CSF2RB: variants seen among roughly 807,000 people sequenced by gnomAD.
CSF2RB encodes the protein colony stimulating factor 2 receptor subunit beta, also known as cytokine receptor common subunit beta.
Under a neutral mutation model 67.2 loss-of-function variants are expected in CSF2RB, and 22 were observed. That is an observed-to-expected ratio of 0.33 (90% CI 0.23 to 0.47). CSF2RB has a LOEUF of 0.47. Ranked by LOEUF, CSF2RB falls within the 20% of genes least tolerant of loss-of-function variation. CSF2RB has a pLI of 1.00. For missense variants in CSF2RB, 1,113 were observed against 1,174.5 expected, an observed-to-expected ratio of 0.95 and a Z score of 0.76; for synonymous variants, 507 against 482.9, an observed-to-expected ratio of 1.05 and a Z score of -0.65.
chr22:36,922,323 C>G (rs925560444), intron 2 of CSF2RB, 40 bp downstream of exon 2: 2 of 1,538,580 alleles, frequency 1.3e-6, no homozygotes, highest in Non-Finnish European at 1.8e-6. Flanking sequence ...TGTCCCTGTC[C>G]TCACTGCTGC....
intron 10 of CSF2RB, among the ~76,000 whole-genome samples, chr22:36,934,882 G>T (rs1039712876): frequency 2.6e-5 from 4 of 152,172 alleles, no homozygotes; most frequent in African/African-American, 4.8e-5. Context: ...AGTCCTGGAG[G>T]AACCTGGCCT....
In CSF2RB at chr22:36,939,562, T is replaced by C. The variant is rs567752456; in HGVS notation, c.*1060T>C. On this transcript the variant is annotated 3_prime_UTR_variant, in exon 14 of 14. Coordinates refer to ENST00000403662, the MANE Select transcript of CSF2RB (RefSeq NM_000395.3). The stretch of plus-strand genomic sequence containing the variant: ...ATACAGGAAAAATAATGGCATTAAA[T>C]TGCTTTAATTTGCATTATTTTAGTT... 3.1e-4 allele frequency: 84 copies of C among 274,666 alleles called. No homozygotes were observed. The highest frequency in any genetic ancestry group is 1.7e-3 in the African/African-American group (81 of 46,914). 17.0% of individuals were successfully genotyped at this position (274,666 alleles called of 1,614,324 possible). A position where few individuals can be genotyped will look rare whatever the true frequency, so the allele number is the denominator to read the frequency against.
chr22:36,917,828 CA>C (rs1438988103), intron 1 of CSF2RB, among the ~76,000 whole-genome samples: 1 of 151,960 alleles, frequency 6.6e-6, no homozygotes, highest in African/African-American at 2.4e-5. Flanking sequence ...GAGGCTAAGT[CA>C]CAAGAGTCGC....
intron 1 of CSF2RB, among the ~76,000 whole-genome samples, chr22:36,915,472 G>A (rs1940698525): frequency 6.7e-6 from 1 of 149,152 alleles, no homozygotes; most frequent in Non-Finnish European, 1.5e-5. Context: ...ATTGTATTTT[G>A]GAATATTTCC....
chr22:36,937,771 G>C lies in CSF2RB; in HGVS notation c.1963G>C (p.Glu655Gln). ...GGGACCAGGACAGGCCGTGGAAGTG[G>C]AGAGAAGGCCGAGCCAGGGGGCTGC... is the stretch of plus-strand genomic sequence containing the variant. ...AMGPGQAVEV[E>Q]RRPSQGAAGS... is the part of the protein sequence containing the mutation. The change falls in exon 14 of 14, where the codon GAG becomes CAG. Residue 655 changes from glutamate to glutamine, a missense_variant. Coordinates refer to ENST00000403662, the MANE Select transcript of CSF2RB (RefSeq NM_000395.3). The surrounding 1 kb of genome is among the most constrained non-coding windows in gnomAD (Gnocchi z 4.6). The C allele has an allele frequency of 3.2e-6, 5 of 1,578,480 alleles. No homozygotes were observed. Among genetic ancestry groups the C allele is most frequent in the Non-Finnish European group, 4.3e-6 (5 of 1,162,024 alleles).
At chr22:36,930,319 T>C in intron 6 of CSF2RB, 56 bp from the exon 7 acceptor site, 1 of 1,606,050 alleles carries the variant, frequency 6.2e-7, no homozygotes, top group Non-Finnish European at 8.5e-7. Context: ...GGGCACCCAC[T>C]GAGAGCTATG....
Position 36,937,347 on chromosome 22 carries a change from C to T in CSF2RB, c.1569-30C>T, listed in dbSNP as rs1281332416. 6.2e-7 allele frequency: 1 copy of T among 1,610,366 alleles called. No individual in the cohort carries two copies. The highest frequency in any genetic ancestry group is 2.2e-5 in the East Asian group (1 of 44,874). ...CCCGGATCATCTGCCCAGGGTGGTC[C>T]CAACTCTTCTGCCCATTTTCTTCCC... On this transcript the variant is annotated intron_variant, in intron 13 of 13. Coordinates refer to ENST00000403662, the MANE Select transcript of CSF2RB (RefSeq NM_000395.3). The surrounding 1 kb of genome is among the most constrained non-coding windows in gnomAD (Gnocchi z 4.6).
intron 4 of CSF2RB, among the ~76,000 whole-genome samples, 197 bp downstream of exon 4, chr22:36,926,374 C>T (rs1284788163): frequency 6.6e-6 from 1 of 152,212 alleles, no homozygotes; most frequent in East Asian, 1.9e-4. Context: ...CTCCTGTGCC[C>T]CTGGCTGCTA....
At position 36,937,974 on chromosome 22, in the gene CSF2RB, C is replaced by T; in HGVS notation, c.2166C>T (p.Asn722=). The stretch of plus-strand genomic sequence containing the variant: ...CTGCAGACCTGGTATTCACCCCAAA[C>T]TCAGGGGCCTCGTCTGTCTCCCTAG... ...VSSADLVFTP[N]SGASSVSLVP... is the part of the protein sequence containing the mutation. The change falls in exon 14 of 14, where the codon AAC becomes AAT. Residue 722 remains asparagine (N), a synonymous_variant. Transcript: ENST00000403662. This position sits in a 1 kb window ranked among gnomAD's most constrained non-coding sequence, Gnocchi z 4.6. The T allele has an allele frequency of 6.2e-7, 1 of 1,614,142 alleles. No homozygotes were observed. Among genetic ancestry groups the T allele is most frequent in the South Asian group, 1.1e-5 (1 of 91,082 alleles).
intron 1 of CSF2RB, among the ~76,000 whole-genome samples, chr22:36,920,117 T>G (rs1404828177): frequency 6.6e-6 from 1 of 152,254 alleles, no homozygotes; most frequent in Non-Finnish European, 1.5e-5. Flanking sequence ...TATACATAGA[T>G]GTATTCATAT....
In CSF2RB at chr22:36,937,546, C is replaced by T; in HGVS notation, c.1738C>T (p.Pro580Ser). The T allele has an allele frequency of 6.2e-7, 1 of 1,613,630 alleles. No homozygotes were observed. The highest frequency in any genetic ancestry group is 8.5e-7 in the Non-Finnish European group (1 of 1,179,774). The change falls in exon 14 of 14, where the codon CCT becomes TCT. Residue 580 changes from proline to serine, a missense_variant. Physicochemically the swap from Pro to Ser is moderately conservative, Grantham distance 74. This residue lies in a region of CSF2RB where 554 missense variants were observed against 517.9 expected (regional missense o/e 1.07). Coordinates refer to ENST00000403662, the MANE Select transcript of CSF2RB (RefSeq NM_000395.3). The surrounding 1 kb of genome is among the most constrained non-coding windows in gnomAD (Gnocchi z 4.6). ...QPGPPAASHT[P>S]EKQASSFDFN... ...AGGCCCGCCTGCCGCCTCCCACACA[C>T]CTGAGAAACAGGCTTCCAGCTTTGA...
chr22:36,933,846 G>A lies in CSF2RB; in HGVS notation c.1167G>A (p.Glu389=). The change falls in exon 10 of 14, where the codon GAG becomes GAA. Residue 389 remains glutamate, a synonymous_variant. Transcript: ENST00000403662. ...DTATWKDSKT[E]TLQNAHSMAL... ...CCAACCCACAGGACAGCAAGACCGA[G>A]ACCCTCCAGAACGCCCACAGCATGG... is the stretch of plus-strand genomic sequence containing the variant. 6.2e-7 allele frequency: 1 copy of A among 1,608,920 alleles called. No homozygotes were observed. The highest frequency in any genetic ancestry group is 8.5e-7 in the Non-Finnish European group (1 of 1,179,646).
intron 12 of CSF2RB, 84 bp downstream of exon 12, chr22:36,935,771 C>A: frequency 6.8e-7 from 1 of 1,462,024 alleles, no homozygotes; most frequent in South Asian, 1.2e-5. Flanking sequence ...CCTTCCCTTC[C>A]TGTGGGCTTT....
At chr22:36,930,863 T>C in intron 8 of CSF2RB, 33 bp downstream of exon 8, 2 of 1,613,006 alleles carry the variant, frequency 1.2e-6, no homozygotes, top group Non-Finnish European at 1.7e-6. Flanking sequence ...GTGGGGATGG[T>C]CTGGGACCAG....
Position 36,938,646 on chromosome 22 carries a change from G to A in CSF2RB, c.*144G>A. ...TGGGAAAGGAGATAGCCTTGCTCCG[G>A]CCCCCTTGACCTTCAGCAAATCACT... On this transcript the variant is annotated 3_prime_UTR_variant, in exon 14 of 14. Coordinates refer to ENST00000403662, the MANE Select transcript of CSF2RB (RefSeq NM_000395.3). 1 of 847,034 alleles carries A rather than the reference G, an allele frequency of 1.2e-6. No individual in the cohort carries two copies. 52.5% of individuals were successfully genotyped at this position (847,034 alleles called of 1,614,324 possible). A position where few individuals can be genotyped will look rare whatever the true frequency, so the allele number is the denominator to read the frequency against.
chr22:36,931,506 A>G (rs116039864), intron 8 of CSF2RB, among the ~76,000 whole-genome samples: 234 of 152,380 alleles, frequency 1.5e-3, no homozygotes, highest in African/African-American at 5.6e-3. Context: ...GGCCTCATAT[A>G]ATGCCTGGCA....
Position 36,937,476 on chromosome 22 carries a change from A to G in CSF2RB, c.1668A>G (p.Pro556=). ...CDPPSGPDTT[P]AASDLPTEQP... ...CACCATCTGGGCCTGACACGACTCC[A>G]GCTGCCTCAGATCTACCCACAGAGC... The change falls in exon 14 of 14, where the codon CCA becomes CCG. Residue 556 remains proline, a synonymous_variant. Coordinates refer to ENST00000403662, the MANE Select transcript of CSF2RB (RefSeq NM_000395.3). The surrounding 1 kb of genome is among the most constrained non-coding windows in gnomAD (Gnocchi z 4.6). The G allele has an allele frequency of 1.2e-6, 2 of 1,613,920 alleles. No individual in the cohort carries two copies. Among genetic ancestry groups the G allele is most frequent in the East Asian group, 4.5e-5 (2 of 44,876 alleles).
chr22:36,923,223 C>T, intron 2 of CSF2RB, 21 bp from the exon 3 acceptor site: 1 of 1,614,104 alleles, frequency 6.2e-7, no homozygotes, highest in Non-Finnish European at 8.5e-7. Flanking sequence ...AGAGGTGACC[C>T]CCTTCTACCC....
Position 36,937,436 on chromosome 22 carries a change from A to T in CSF2RB, c.1628A>T (p.Lys543Met). Residue 543 changes from lysine to methionine, a missense_variant, in exon 14 of 14, where the codon AAG (lysine) becomes ATG (methionine). Around this residue, in one of 2 missense-constraint regions of CSF2RB, gnomAD observed 554 missense variants for 517.9 expected, o/e 1.07. Transcript: ENST00000403662. The surrounding 1 kb of genome is among the most constrained non-coding windows in gnomAD (Gnocchi z 4.6). The stretch of plus-strand genomic sequence containing the variant: ...TCACCTCTCACCATAGAGGACCCCA[A>T]GCATGTCTGTGATCCACCATCTGGG... The part of the protein sequence containing the change: ...EVSPLTIEDP[K>M]HVCDPPSGPD... 1 of 1,614,050 alleles carries T rather than the reference A, an allele frequency of 6.2e-7. No individual in the cohort carries two copies. Among genetic ancestry groups the T allele is most frequent in the Non-Finnish European group, 8.5e-7 (1 of 1,179,978 alleles).
Sources: allele counts gnomAD v4.1 joint callset (sites outside exome capture counted in the v4.1 genomes callset), GRCh38; gene constraint gnomAD v4.1.1; regional missense constraint gnomAD v4.1.1; non-coding constraint Gnocchi (gnomAD v3.1); transcripts MANE v1.5; gene names NCBI Gene and HGNC (gene_info 2026-07-23, HGNC 2026-07-21).